The following SNX29 variants were observed in gnomAD, a reference collection of about 807,000 sequenced individuals.
SNX29 encodes the protein sorting nexin 29, also known as sorting nexin-29.
Under a neutral mutation model 102.1 loss-of-function variants are expected in SNX29, and 78 were observed. That is an observed-to-expected ratio of 0.76 (90% CI 0.64 to 0.92). The LOEUF (loss-of-function observed/expected upper bound fraction) is 0.92, where lower values mean the gene tolerates loss of function less well. Ranked by LOEUF, SNX29 falls within the 40% of genes least tolerant of loss-of-function variation. SNX29 has a pLI of 0.00. For synonymous variants in SNX29, 580 were observed against 414.5 expected (o/e 1.40, Z -4.85); for missense variants, 1,280 against 1,061.7 (o/e 1.21, Z -2.86).
intron 20 of SNX29, among the ~76,000 whole-genome samples, chr16:12,565,261 A>C: frequency 6.6e-6 from 1 of 152,194 alleles, no homozygotes; most frequent in South Asian, 2.1e-4. Context: ...GGCAGTTGCA[A>C]GAGGTTCAGC....
chr16:12,399,544 G>T (rs2083855845), intron 17 of SNX29, among the ~76,000 whole-genome samples: 1 of 152,242 alleles, frequency 6.6e-6, no homozygotes, highest in Non-Finnish European at 1.5e-5. Context: ...CTCTTCAGAG[G>T]CAGGCTGGCC....
At position 12,564,195 on chromosome 16, in the gene SNX29, C is replaced by T. The variant is rs145798972; in HGVS notation, c.2319-4311C>T. ...TTGAGTTCAGGAGTTTGAGACCGTC[C>T]TGGGCACCATAGGGAGACCCCCACA... On this transcript the variant is annotated intron_variant, in intron 20 of 20. Transcript: ENST00000566228. Among the ~76,000 whole-genome samples, 425 of 150,014 alleles carry T rather than the reference C, an allele frequency of 2.8e-3. 1 individual carries two copies. Among genetic ancestry groups the T allele is most frequent in the African/African-American group, 9.7e-3 (394 of 40,442 alleles).
In SNX29 at chr16:12,156,494, C is replaced by T. The variant is rs1216227905; in HGVS notation, c.1595+26736C>T. The stretch of plus-strand genomic sequence containing the variant: ...GCCCTCTTGGAGTCTTAGGAAGGGG[C>T]GCAGGTTGCCTGGGTTTCCCTCCTT... On this transcript the variant is annotated intron_variant, in intron 13 of 20. Transcript: ENST00000566228. Among the ~76,000 whole-genome samples the T allele has an allele frequency of 3.9e-5, 6 of 152,288 alleles. No individual in the cohort carries two copies. The East Asian group carries it at 7.8e-4, about 20-fold the overall frequency.
At chr16:12,148,939 T>G (rs941213161) in intron 13 of SNX29, among the ~76,000 whole-genome samples, 4 of 152,080 alleles carry the variant, frequency 2.6e-5, no homozygotes, top group Non-Finnish European at 5.9e-5. Context: ...TGACCTCAGG[T>G]GATCCACCTG....
intron 13 of SNX29, among the ~76,000 whole-genome samples, chr16:12,198,794 T>G (rs191369749): frequency 0.013 from 1,907 of 152,376 alleles, 22 homozygotes; most frequent in South Asian, 0.032. Context: ...TGCAGGCTAT[T>G]GTGCATTTTT....
chr16:12,488,969 CGTT>C (rs1262883639), intron 19 of SNX29, among the ~76,000 whole-genome samples: 2 of 152,186 alleles, frequency 1.3e-5, no homozygotes, highest in African/African-American at 4.8e-5. Flanking sequence ...GGGCATTAAA[CGTT>C]GGCCAAAGTA....
In SNX29 at chr16:12,466,648, C is replaced by A. The variant is rs77311532; in HGVS notation, c.2038-11071C>A. On this transcript the variant is annotated intron_variant, in intron 18 of 20. Transcript: ENST00000566228. The stretch of plus-strand genomic sequence containing the variant: ...AGCTTCCTACCTCACCATGATCTAC[C>A]TGGAGCCCCAGCCCAACAGCCATGA... Among the ~76,000 whole-genome samples, 16 of 152,304 alleles carry A rather than the reference C, an allele frequency of 1.1e-4. No homozygotes were observed. In the East Asian group the frequency reaches 3.1e-3, roughly 29 times the overall value.
intron 15 of SNX29, among the ~76,000 whole-genome samples, chr16:12,319,355 A>C (rs1172477419): frequency 1.3e-5 from 2 of 152,166 alleles, no homozygotes; most frequent in Non-Finnish European, 2.9e-5. Context: ...TTAGTTGGGC[A>C]TGATGGTGCA....
intron 18 of SNX29, among the ~76,000 whole-genome samples, chr16:12,433,022 A>C (rs2085378310): frequency 6.6e-6 from 1 of 152,208 alleles, no homozygotes; most frequent in South Asian, 2.1e-4. Flanking sequence ...TGGCAGAGCC[A>C]CTAGGAATAT....
At chr16:12,181,365 T>C (rs2076380512) in intron 13 of SNX29, among the ~76,000 whole-genome samples, 1 of 152,094 alleles carries the variant, frequency 6.6e-6, no homozygotes, top group East Asian at 1.9e-4. Context: ...TGAACATTGG[T>C]TCGGTCTGGA....
chr16:12,154,547 T>TC (rs1057072891), intron 13 of SNX29, among the ~76,000 whole-genome samples: 15 of 152,130 alleles, frequency 9.9e-5, no homozygotes, highest in African/African-American at 3.4e-4. Context: ...TTCTGGCATT[T>TC]CCCCCGTCTC....
At chr16:12,050,832 C>T (rs1263496473) in intron 7 of SNX29, among the ~76,000 whole-genome samples, 1 of 152,110 alleles carries the variant, frequency 6.6e-6, no homozygotes, top group Non-Finnish European at 1.5e-5. Flanking sequence ...CTGCCTCAGC[C>T]TCCCAAGTAG....
At chr16:12,191,172 C>G (rs1158623477) in intron 13 of SNX29, among the ~76,000 whole-genome samples, 2 of 152,144 alleles carry the variant, frequency 1.3e-5, no homozygotes, top group Non-Finnish European at 2.9e-5. Context: ...CAATAGGGTT[C>G]GTGCTCCTAT....
At chr16:12,326,882 G>A (rs2081137106) in intron 15 of SNX29, among the ~76,000 whole-genome samples, 1 of 152,216 alleles carries the variant, frequency 6.6e-6, no homozygotes, top group Non-Finnish European at 1.5e-5. Context: ...GGAACGTGGT[G>A]CTTTTTATTA....
At chr16:12,323,849 G>C (rs1489141199) in intron 15 of SNX29, among the ~76,000 whole-genome samples, 1 of 152,170 alleles carries the variant, frequency 6.6e-6, no homozygotes, top group Non-Finnish European at 1.5e-5. Flanking sequence ...ATTTTCAAAT[G>C]TCTTCATGTA....
chr16:12,125,823 G>T lies in SNX29; in HGVS notation c.1403-810G>T, dbSNP rs535558087. On this transcript the variant is annotated intron_variant, in intron 11 of 20. Transcript: ENST00000566228. ...GCATTGCTGTCTCTCAAACTTCCTGGGAAACAGTTTTTTCCTCCTAGAATT... is the reference window on the plus strand; with the variant it reads ...GCATTGCTGTCTCTCAAACTTCCTGTGAAACAGTTTTTTCCTCCTAGAATT... 1.3e-4 allele frequency among the ~76,000 whole-genome samples: 19 copies of T among 151,866 alleles called. No individual in the cohort carries two copies. In the South Asian group the frequency reaches 4.0e-3, roughly 32 times the overall value.
At chr16:12,159,770 C>T (rs1326782543) in intron 13 of SNX29, among the ~76,000 whole-genome samples, 1 of 152,124 alleles carries the variant, frequency 6.6e-6, no homozygotes, top group African/African-American at 2.4e-5. Flanking sequence ...AGAACTCATA[C>T]CTCATGGGTA....
At chr16:12,051,798 G>C in intron 7 of SNX29, 49 bp from the exon 8 acceptor site, 1 of 1,584,298 alleles carries the variant, frequency 6.3e-7, no homozygotes, top group Non-Finnish European at 8.5e-7. Flanking sequence ...TCATCCTTTT[G>C]TCTTGCCTCC....
chr16:11,988,076 C>T (rs2055700330), intron 1 of SNX29, among the ~76,000 whole-genome samples: 1 of 151,980 alleles, frequency 6.6e-6, no homozygotes, highest in South Asian at 2.1e-4. Context: ...GGTGGATCAC[C>T]TGAGGTCAGG....
Sources: allele counts gnomAD v4.1 joint callset (sites outside exome capture counted in the v4.1 genomes callset), GRCh38; gene constraint gnomAD v4.1.1; transcripts MANE v1.5; gene names NCBI Gene and HGNC (gene_info 2026-07-23, HGNC 2026-07-21).